The following RRP1B variants were observed in gnomAD, a reference collection of about 807,000 sequenced individuals.
RRP1B encodes ribosomal RNA processing protein 1 homolog B.
In RRP1B, 56 loss-of-function variants were observed where a neutral mutation model predicts 80.2. The ratio of observed to expected loss-of-function variants is 0.70; its 90% CI spans 0.56 to 0.87. RRP1B has a LOEUF of 0.87. Among genes scored for constraint, RRP1B ranks in the 40% least tolerant of loss-of-function variants. The probability of loss-of-function intolerance (pLI) is 0.00; values close to 1 mark genes in which losing one functional copy is unlikely to be tolerated. For missense variants in RRP1B, 807 were observed against 939.8 expected, an observed-to-expected ratio of 0.86 and a Z score of 1.85; for synonymous variants, 351 against 357.6, an observed-to-expected ratio of 0.98 and a Z score of 0.21.
chr21:43,688,854 A>G (rs1268369482), intron 13 of RRP1B, among the ~76,000 whole-genome samples: 4 of 152,292 alleles, frequency 2.6e-5, no homozygotes, highest in South Asian at 4.1e-4. Flanking sequence ...CGGTGGCACA[A>G]TCTCGGCTCA....
intron 1 of RRP1B, among the ~76,000 whole-genome samples, chr21:43,663,410 C>A (rs372727793): frequency 6.6e-6 from 1 of 152,184 alleles, no homozygotes; most frequent in South Asian, 2.1e-4. Flanking sequence ...GCGCCCACCA[C>A]CACGCCTGGC....
chr21:43,689,743 G>T (rs1054844166), intron 13 of RRP1B, among the ~76,000 whole-genome samples: 1 of 152,274 alleles, frequency 6.6e-6, no homozygotes, highest in South Asian at 2.1e-4. Flanking sequence ...CTGCCCTCCA[G>T]GCGGCACACT....
intron 7 of RRP1B, 127 bp from the exon 8 acceptor site, chr21:43,676,606 C>T (rs2147168217): frequency 1.1e-6 from 1 of 875,724 alleles, no homozygotes; most frequent in East Asian, 2.6e-5. Context: ...CTCTCAGATG[C>T]TTGCTGGCCC....
chr21:43,682,236 G>A (rs533143527), intron 8 of RRP1B, among the ~76,000 whole-genome samples: 5 of 152,084 alleles, frequency 3.3e-5, no homozygotes, highest in Admixed American at 6.5e-5. Context: ...CATTTCTGTC[G>A]CCTAACCTGG....
chr21:43,681,197 C>T (rs112034153), intron 8 of RRP1B, among the ~76,000 whole-genome samples: 9,348 of 151,840 alleles, frequency 0.062, 953 homozygotes, highest in African/African-American at 0.21. Flanking sequence ...GAGCCAAGAT[C>T]GTGCCACTGC....
Position 43,688,033 on chromosome 21 carries a change from C to A in RRP1B, c.1659C>A (p.Gly553=). Reference sequence around the variant, plus strand: ...TGCAGCAGGAAGGCCCTCCCACAGGCCCCGCAGAGGGGGCGAACAGCCACA... The same window carrying A: ...TGCAGCAGGAAGGCCCTCCCACAGGACCCGCAGAGGGGGCGAACAGCCACA... ...PPLQQEGPPT[G]PAEGANSHTT... Residue 553 remains glycine, a synonymous_variant, in exon 13 of 16, where the codon GGC becomes GGA. Coordinates refer to ENST00000340648, the MANE Select transcript of RRP1B (RefSeq NM_015056.3). The A allele has an allele frequency of 6.2e-7, 1 of 1,612,210 alleles. No individual in the cohort carries two copies. Among genetic ancestry groups the A allele is most frequent in the Non-Finnish European group, 8.5e-7 (1 of 1,179,414 alleles).
intron 1 of RRP1B, among the ~76,000 whole-genome samples, chr21:43,668,392 G>A (rs1248299671): frequency 3.5e-5 from 5 of 141,980 alleles, no homozygotes; most frequent in East Asian, 2.1e-4. Flanking sequence ...ACGGACTCTC[G>A]CTCTGTCGCC....
In RRP1B at chr21:43,674,711, T is replaced by C. The variant is rs2147166860; in HGVS notation, c.419+14T>C. ...CTGGGAAGAAAGGTCAGTAAACCAT[T>C]TGAGTTAGCATGTGGTAGCCTTAAA... is the stretch of plus-strand genomic sequence containing the variant. On this transcript the variant is annotated intron_variant, in intron 5 of 15. Coordinates refer to ENST00000340648, the MANE Select transcript of RRP1B (RefSeq NM_015056.3). 7 of 1,604,720 alleles carry C rather than the reference T, an allele frequency of 4.4e-6. No homozygotes were observed. The East Asian group carries it at 1.6e-4, about 36-fold the overall frequency.
chr21:43,672,002 G>A (rs958517002), intron 2 of RRP1B, among the ~76,000 whole-genome samples: 1 of 152,162 alleles, frequency 6.6e-6, no homozygotes, highest in Non-Finnish European at 1.5e-5. Flanking sequence ...TAGTTATAAA[G>A]CCAGGAACTG....
In RRP1B at chr21:43,659,835, C is replaced by CG; in HGVS notation, c.130+46dup. Reference sequence around the variant, plus strand: ...CGGTCAGCCGCGCCACATGGCGGGCCGGGGGCCGGGGCTGGGGCTAGGGCC... The same window carrying CG: ...CGGTCAGCCGCGCCACATGGCGGGCCGGGGGGCCGGGGCTGGGGCTAGGGCC... On this transcript the variant is annotated intron_variant, in intron 1 of 15. Coordinates refer to ENST00000340648, the MANE Select transcript of RRP1B (RefSeq NM_015056.3). The surrounding 1 kb of genome is among the most constrained non-coding windows in gnomAD (Gnocchi z 4.2). 6.8e-7 allele frequency: 1 copy of CG among 1,477,350 alleles called. No individual in the cohort carries two copies. The allele number at this position is 1,477,350 out of a possible 1,614,324, so 91.5% of individuals were successfully genotyped here.
chr21:43,667,412 GGT>G (rs72166295), intron 1 of RRP1B, among the ~76,000 whole-genome samples: 8 of 150,960 alleles, frequency 5.3e-5, no homozygotes, highest in African/African-American at 9.7e-5. Context: ...TTTTGTTGTT[GGT>G]GTGTGTGTGT....
chr21:43,690,450 C>G lies in RRP1B; in HGVS notation c.2019+10C>G. ...AGGCCCTGCCGTCCAGGTACGCACC[C>G]TCCCCAGAGTGGCACAGCACATTTC... On this transcript the variant is annotated intron_variant, in intron 14 of 15. Transcript: ENST00000340648. The G allele has an allele frequency of 6.2e-7, 1 of 1,613,298 alleles. No individual in the cohort carries two copies. Among genetic ancestry groups the G allele is most frequent in the African/African-American group, 1.3e-5 (1 of 75,044 alleles).
At position 43,693,562 on chromosome 21, in the gene RRP1B, T is replaced by G. The variant is rs2083095597; in HGVS notation, c.*179T>G. 1 of 552,802 alleles carries G rather than the reference T, an allele frequency of 1.8e-6. No individual in the cohort carries two copies. The highest frequency in any genetic ancestry group is 2.0e-5 in the African/African-American group (1 of 50,534). 34.2% of individuals were successfully genotyped at this position (552,802 alleles called of 1,614,324 possible). A position where few individuals can be genotyped will look rare whatever the true frequency, so the allele number is the denominator to read the frequency against. On this transcript the variant is annotated 3_prime_UTR_variant, in exon 16 of 16. Coordinates refer to ENST00000340648, the MANE Select transcript of RRP1B (RefSeq NM_015056.3). The surrounding 1 kb of genome is among the most constrained non-coding windows in gnomAD (Gnocchi z 4.1). ...CCCCTCTGTAGTGGCTGCGGGCGTCTTGGTTGAATCTTTTGCTACAAACCA... is the reference window on the plus strand; with the variant it reads ...CCCCTCTGTAGTGGCTGCGGGCGTCGTGGTTGAATCTTTTGCTACAAACCA...
rs2083103192 is a variant in RRP1B, at chr21:43,695,283, G to GAGAT, written c.*1901_*1904dup. The GAGAT allele has an allele frequency of 1.3e-5, 2 of 152,010 alleles. No homozygotes were observed. Among genetic ancestry groups the GAGAT allele is most frequent in the South Asian group, 4.2e-4 (2 of 4,812 alleles). 9.4% of individuals were successfully genotyped at this position (152,010 alleles called of 1,614,324 possible). A position where few individuals can be genotyped will look rare whatever the true frequency, so the allele number is the denominator to read the frequency against. On this transcript the variant is annotated 3_prime_UTR_variant, in exon 16 of 16. Transcript: ENST00000340648. ...ACGGGCCATATAATCCAACATTGTT[G>GAGAT]AGATGTCTTAGGACATCTAAGGCAA...
At chr21:43,681,892 C>T (rs982776520) in intron 8 of RRP1B, among the ~76,000 whole-genome samples, 5 of 152,080 alleles carry the variant, frequency 3.3e-5, no homozygotes, top group Admixed American at 6.6e-5. Context: ...GTGAGGCTGC[C>T]GTGAATCATG....
intron 13 of RRP1B, among the ~76,000 whole-genome samples, chr21:43,688,918 T>C (rs2083075325): frequency 6.6e-6 from 1 of 152,256 alleles, no homozygotes; most frequent in African/African-American, 2.4e-5. Flanking sequence ...GCCTCCCAAG[T>C]AGCTGGAATT....
At chr21:43,686,045 C>G (rs190645242) in intron 11 of RRP1B, 1 of 331,406 alleles carries the variant, frequency 3.0e-6, no homozygotes, top group African/African-American at 2.2e-5. Flanking sequence ...CGCTTGAGCC[C>G]AGGAGGTCCA....
chr21:43,674,545 T>G, intron 4 of RRP1B, 91 bp from the exon 5 acceptor site: 2 of 909,006 alleles, frequency 2.2e-6, no homozygotes, highest in Admixed American at 3.0e-5. Flanking sequence ...ATTTCATTGG[T>G]CCCTTCATTC....
chr21:43,677,004 T>G (rs993947884), intron 8 of RRP1B, 90 bp downstream of exon 8: 1 of 1,299,296 alleles, frequency 7.7e-7, no homozygotes, highest in Non-Finnish European at 1.1e-6. Flanking sequence ...GGCATCTTAC[T>G]GAATGCAACC....
Sources: allele counts gnomAD v4.1 joint callset (sites outside exome capture counted in the v4.1 genomes callset), GRCh38; gene constraint gnomAD v4.1.1; non-coding constraint Gnocchi (gnomAD v3.1); transcripts MANE v1.5; gene names NCBI Gene and HGNC (gene_info 2026-07-23, HGNC 2026-07-21).